Variants in FGGY observed in about 807,000 individuals in gnomAD.
FGGY encodes the protein FGGY carbohydrate kinase domain containing.
A neutral mutation model predicts 71.3 loss-of-function variants in FGGY; 72 were observed. The observed-to-expected ratio is 1.01, with a 90% CI of 0.84 to 1.23. The LOEUF is 1.23. Ranked by LOEUF, FGGY falls within the 50% of genes most tolerant of loss-of-function variation. The probability of loss-of-function intolerance (pLI) is 0.00; values close to 1 mark genes in which losing one functional copy is unlikely to be tolerated. For synonymous variants in FGGY, 251 were observed against 250.3 expected (o/e 1.00, Z -0.02); for missense variants, 668 against 682.3 (o/e 0.98, Z 0.23).
At chr1:59,612,737 G>A (rs533754220) in intron 9 of FGGY, among the ~76,000 whole-genome samples, 189 of 152,298 alleles carry the variant, frequency 1.2e-3, no homozygotes, top group African/African-American at 4.4e-3. Flanking sequence ...TCCATGTGCT[G>A]TATTCAGGAA....
intron 1 of FGGY, among the ~76,000 whole-genome samples, chr1:59,302,089 GT>G (rs911477358): frequency 3.3e-5 from 5 of 150,350 alleles, no homozygotes; most frequent in African/African-American, 7.3e-5. Flanking sequence ...ACATTTATTG[GT>G]TTTTTTTTCC....
At chr1:59,691,938 A>G (rs1273890382) in intron 14 of FGGY, among the ~76,000 whole-genome samples, 1 of 152,154 alleles carries the variant, frequency 6.6e-6, no homozygotes, top group Non-Finnish European at 1.5e-5. Context: ...TGATTTTTGT[A>G]TCTCCAATGG....
At chr1:59,496,319 ATGTATACCC>A (rs535345985) in intron 6 of FGGY, among the ~76,000 whole-genome samples, 2 of 152,326 alleles carry the variant, frequency 1.3e-5, no homozygotes, top group South Asian at 4.1e-4. Context: ...AATATGGCAC[ATGTATACCC>A]TGGAATACTA....
intron 7 of FGGY, among the ~76,000 whole-genome samples, chr1:59,543,300 C>T (rs1200057584): frequency 1.3e-5 from 2 of 152,160 alleles, no homozygotes; most frequent in African/African-American, 2.4e-5. Flanking sequence ...GAGTCTTATC[C>T]GGTGGTGTGG....
intron 7 of FGGY, among the ~76,000 whole-genome samples, chr1:59,519,112 A>G (rs2094748125): frequency 6.6e-6 from 1 of 152,206 alleles, no homozygotes; most frequent in African/African-American, 2.4e-5. Context: ...AAGACTACCT[A>G]ACATTCTGAG....
At position 59,531,785 on chromosome 1, in the gene FGGY, C is replaced by T. The variant is rs370201805; in HGVS notation, c.799+19346C>T. On this transcript the variant is annotated intron_variant, in intron 7 of 15. Transcript: ENST00000303721. ...ATCCTCTAGGTGTTATTTGGGACCC[C>T]GAAAGTCAGTGTAAACTAAAAATAG... Among the ~76,000 whole-genome samples, 18 of 152,200 alleles carry T rather than the reference C, an allele frequency of 1.2e-4. No individual in the cohort carries two copies. In the South Asian group the frequency reaches 2.9e-3, roughly 25 times the overall value.
intron 8 of FGGY, among the ~76,000 whole-genome samples, chr1:59,577,407 C>T (rs1381219426): frequency 1.3e-5 from 2 of 152,034 alleles, no homozygotes; most frequent in Non-Finnish European, 2.9e-5. Flanking sequence ...TATATGTTGT[C>T]CATGAATTAT....
At chr1:59,457,413 C>T (rs1461158961) in intron 6 of FGGY, among the ~76,000 whole-genome samples, 1 of 152,150 alleles carries the variant, frequency 6.6e-6, no homozygotes, top group African/African-American at 2.4e-5. Flanking sequence ...AGTTCGGGAC[C>T]AGTCTGGGCA....
chr1:59,450,858 T>C (rs2072538399), intron 5 of FGGY, among the ~76,000 whole-genome samples: 1 of 152,046 alleles, frequency 6.6e-6, no homozygotes, highest in Admixed American at 6.6e-5. Context: ...ATTTAAAAAT[T>C]TTTTTGTTTG....
At chr1:59,441,336 G>A (rs1162311894) in intron 5 of FGGY, among the ~76,000 whole-genome samples, 2 of 152,092 alleles carry the variant, frequency 1.3e-5, no homozygotes, top group Non-Finnish European at 2.9e-5. Flanking sequence ...ATATTGGTTT[G>A]CAAATTCAAG....
intron 8 of FGGY, among the ~76,000 whole-genome samples, chr1:59,570,172 A>G (rs1353480645): frequency 6.6e-6 from 1 of 152,192 alleles, no homozygotes; most frequent in Admixed American, 6.5e-5. Context: ...GCTGGAAGGG[A>G]TATATGAGAA....
chr1:59,630,950 A>C (rs2096902842), intron 10 of FGGY, among the ~76,000 whole-genome samples: 1 of 151,176 alleles, frequency 6.6e-6, no homozygotes, highest in East Asian at 1.9e-4. Context: ...TCCACTTCCT[A>C]CTCCTTCCTT....
intron 14 of FGGY, among the ~76,000 whole-genome samples, chr1:59,695,139 G>A (rs1302680627): frequency 2.0e-5 from 3 of 152,196 alleles, no homozygotes; most frequent in African/African-American, 4.8e-5. Flanking sequence ...ATATGTGGCA[G>A]TGACTATGTG....
intron 7 of FGGY, among the ~76,000 whole-genome samples, chr1:59,533,109 T>A (rs1328332853): frequency 2.6e-5 from 4 of 151,536 alleles, no homozygotes; most frequent in Admixed American, 6.5e-5. Flanking sequence ...TTCATCTCAC[T>A]AGGGAGTGCC....
intron 13 of FGGY, 71 bp from the exon 14 acceptor site, chr1:59,673,968 C>A: frequency 7.3e-7 from 1 of 1,377,872 alleles, no homozygotes; most frequent in Non-Finnish European, 1.0e-6. Context: ...TTTGCCACTG[C>A]GGCTGCTTGT....
At chr1:59,732,658 G>A (rs1325937604) in intron 14 of FGGY, among the ~76,000 whole-genome samples, 1 of 151,934 alleles carries the variant, frequency 6.6e-6, no homozygotes, top group Non-Finnish European at 1.5e-5. Flanking sequence ...GAGGAAAGGG[G>A]GGCAAGAAAG....
chr1:59,589,395 A>C (rs1309494892), intron 8 of FGGY, among the ~76,000 whole-genome samples: 2 of 152,176 alleles, frequency 1.3e-5, no homozygotes, highest in African/African-American at 2.4e-5. Context: ...GAAAGTTAAC[A>C]AGGATACCCA....
intron 4 of FGGY, among the ~76,000 whole-genome samples, chr1:59,360,162 A>T (rs1302842741): frequency 9.2e-6 from 1 of 108,752 alleles, no homozygotes; most frequent in Non-Finnish European, 2.0e-5. Context: ...TTATTTCACC[A>T]CTGATTAGTG....
At chr1:59,322,597 C>G (rs1318869884) in intron 2 of FGGY, among the ~76,000 whole-genome samples, 1 of 152,088 alleles carries the variant, frequency 6.6e-6, no homozygotes, top group Non-Finnish European at 1.5e-5. Flanking sequence ...ATAGCATATG[C>G]AAAGGCATGG....
Sources: gnomAD v4.1 joint callset for allele counts (sites outside exome capture counted in the v4.1 genomes callset) on GRCh38, gnomAD v4.1.1 for gene constraint, MANE v1.5 for transcripts, NCBI Gene and HGNC (gene_info 2026-07-23, HGNC 2026-07-21) for gene names.